CHD1L: variants seen among roughly 807,000 people sequenced by gnomAD.
CHD1L encodes chromodomain helicase DNA binding protein 1 like, also known as ATP-dependent chromatin remodeler CHD1L.
A neutral mutation model predicts 115.9 loss-of-function variants in CHD1L; 118 were observed. The observed-to-expected ratio is 1.02, with a 90% CI of 0.88 to 1.19. The LOEUF is 1.19. Among genes scored for constraint, CHD1L ranks in the 50% most tolerant of loss-of-function variants. The pLI is 0.00. For missense variants in CHD1L, 1,179 were observed against 1,065.3 expected (o/e 1.11, Z -1.49); for synonymous variants, 411 against 387.1 (o/e 1.06, Z -0.72).
At chr1:147,279,972 C>G (rs1572050725) in intron 14 of CHD1L, 54 bp from the exon 15 acceptor site, 1 of 1,590,388 alleles carries the variant, frequency 6.3e-7, no homozygotes, top group East Asian at 2.2e-5. Context: ...CACTGATATC[C>G]TAATGTTTCT....
the CHD1L span, chr1:147,178,273 G>T: frequency 4.3e-6 from 7 of 1,613,458 alleles, no homozygotes; most frequent in African/African-American, 8.0e-5. Flanking sequence ...CGAGTTCTTC[G>T]CCCCCTGGTG....
chr1:147,191,370 G>A, the CHD1L span, among the ~76,000 whole-genome samples: 455 of 152,120 alleles, frequency 3.0e-3, 2 homozygotes, highest in African/African-American at 0.01. Flanking sequence ...TTTAATGATC[G>A]CCATTCTAAC....
At chr1:147,190,715 G>A in the CHD1L span, among the ~76,000 whole-genome samples, 1 of 151,868 alleles carries the variant, frequency 6.6e-6, no homozygotes, top group East Asian at 1.9e-4. Flanking sequence ...TAAGTTTTAG[G>A]GTACATGTGC....
chr1:147,229,268 C>A, the CHD1L span, among the ~76,000 whole-genome samples: 12 of 152,116 alleles, frequency 7.9e-5, no homozygotes, highest in African/African-American at 1.4e-4. Context: ...AATAGGGAAT[C>A]CTTTCCCTAT....
chr1:147,178,242 C>A, the CHD1L span: 2 of 1,613,656 alleles, frequency 1.2e-6, no homozygotes, highest in Non-Finnish European at 1.7e-6. Flanking sequence ...CCGACACGGG[C>A]TCTGCGGGCC....
chr1:147,263,790 A>G (rs1553945911), intron 6 of CHD1L, among the ~76,000 whole-genome samples: 1 of 152,076 alleles, frequency 6.6e-6, no homozygotes, highest in Non-Finnish European at 1.5e-5. Context: ...TGTGATCACC[A>G]GAAACATCCA....
chr1:147,173,719 C>T, the CHD1L span, among the ~76,000 whole-genome samples: 1 of 152,130 alleles, frequency 6.6e-6, no homozygotes, highest in Non-Finnish European at 1.5e-5. Context: ...GCAGTGTTGG[C>T]GTCAACTGGG....
chr1:147,279,660 G>A (rs74121885), intron 14 of CHD1L, among the ~76,000 whole-genome samples: 2,427 of 152,264 alleles, frequency 0.016, 71 homozygotes, highest in African/African-American at 0.056. Flanking sequence ...AGCTAACAGG[G>A]TCTCTGATCT....
chr1:147,277,675 T>C lies in CHD1L; in HGVS notation c.1539+1418T>C, dbSNP rs782815128. Among the ~76,000 whole-genome samples, 91 of 152,306 alleles carry C rather than the reference T, an allele frequency of 6.0e-4. 1 individual carries two copies. In the Middle Eastern group the frequency reaches 0.01, roughly 17 times the overall value. On this transcript the variant is annotated intron_variant, in intron 14 of 22. Transcript: ENST00000369258. ...CTAGGGCAGGCTGTACATTTTGTTT[T>C]CACACTAAGAGACAATTATAAATGT...
chr1:147,233,227 T>C, the CHD1L span, among the ~76,000 whole-genome samples: 69 of 148,844 alleles, frequency 4.6e-4, no homozygotes, highest in African/African-American at 1.7e-3. Context: ...GCCTGGCAAC[T>C]GCCCCATCTG....
chr1:147,222,039 A>T, the CHD1L span, among the ~76,000 whole-genome samples: 2 of 152,158 alleles, frequency 1.3e-5, no homozygotes, highest in Non-Finnish European at 2.9e-5. Context: ...TTTCCTACCT[A>T]GGCACAAGGC....
chr1:147,292,155 C>T (rs1685780897), intron 20 of CHD1L, among the ~76,000 whole-genome samples: 1 of 152,114 alleles, frequency 6.6e-6, no homozygotes, highest in Admixed American at 6.5e-5. Flanking sequence ...CCTCAGTACC[C>T]TACATAGTAC....
At chr1:147,279,266 T>C (rs946631301) in intron 14 of CHD1L, among the ~76,000 whole-genome samples, 1 of 152,110 alleles carries the variant, frequency 6.6e-6, no homozygotes, top group Non-Finnish European at 1.5e-5. Flanking sequence ...AAGGTTTGAA[T>C]CCACCTTGGG....
At chr1:147,222,714 A>C in the CHD1L span, among the ~76,000 whole-genome samples, 2 of 152,250 alleles carry the variant, frequency 1.3e-5, no homozygotes, top group Non-Finnish European at 1.5e-5. Context: ...GAAGCAGTTT[A>C]CAAAGTGTTA....
chr1:147,269,667 CAAAAAAA>C (rs10649680), intron 10 of CHD1L, among the ~76,000 whole-genome samples: 2 of 93,270 alleles, frequency 2.1e-5, no homozygotes, highest in Non-Finnish European at 4.0e-5. Context: ...GGCTCCATCT[CAAAAAAA>C]AAAAAAAAAA....
chr1:147,282,916 G>A (rs1385068894), intron 15 of CHD1L, among the ~76,000 whole-genome samples: 4 of 152,172 alleles, frequency 2.6e-5, no homozygotes, highest in African/African-American at 4.8e-5. Flanking sequence ...ATATAGGTCC[G>A]CTCTGTGGTA....
the CHD1L span, chr1:147,179,339 G>T: frequency 1.2e-6 from 2 of 1,603,830 alleles, no homozygotes; most frequent in Admixed American, 3.3e-5. Flanking sequence ...TGTGGTCACT[G>T]TAAGAACCTG....
intron 21 of CHD1L, 33 bp from the exon 22 acceptor site, chr1:147,294,376 G>C (rs782808780): frequency 2.0e-6 from 3 of 1,489,320 alleles, no homozygotes; most frequent in South Asian, 2.5e-5. Flanking sequence ...AATTTTTGAT[G>C]AGTGAAGACA....
the CHD1L span, chr1:147,224,341 T>C: frequency 5.8e-6 from 1 of 171,158 alleles, no homozygotes; most frequent in Non-Finnish European, 1.2e-5. Flanking sequence ...AAGTTGCCAC[T>C]AAACTGGGTT....
Sources: allele counts gnomAD v4.1 joint callset (sites outside exome capture counted in the v4.1 genomes callset), GRCh38; gene constraint gnomAD v4.1.1; transcripts MANE v1.5; gene names NCBI Gene and HGNC (gene_info 2026-07-23, HGNC 2026-07-21).